EGFR: variants seen among roughly 807,000 people sequenced by gnomAD.
EGFR encodes epidermal growth factor receptor.
EGFR carries 58 observed loss-of-function variants against 143.0 expected under a neutral mutation model. That is an observed-to-expected ratio of 0.41 (90% CI 0.33 to 0.50). EGFR has a LOEUF of 0.50. Among genes scored for constraint, EGFR ranks in the 20% least tolerant of loss-of-function variants. The probability of loss-of-function intolerance (pLI) is 0.39; values close to 1 mark genes in which losing one functional copy is unlikely to be tolerated. For synonymous variants in EGFR, 613 were observed against 594.4 expected, an observed-to-expected ratio of 1.03 and a Z score of -0.45; for missense variants, 1,307 against 1,579.0, an observed-to-expected ratio of 0.83 and a Z score of 2.92.
At chr7:55,181,163 C>A in intron 19 of EGFR, 130 bp from the exon 20 acceptor site, 1 of 1,163,752 alleles carries the variant, frequency 8.6e-7, no homozygotes, top group Non-Finnish European at 1.3e-6. Flanking sequence ...GCAGGCACAG[C>A]TTTTCCTCCA....
chr7:55,201,356 G>A lies in EGFR; in HGVS notation c.3114+1G>A, dbSNP rs2128971811. 1.2e-6 allele frequency: 2 copies of A among 1,613,994 alleles called. No individual in the cohort carries two copies. Among genetic ancestry groups the A allele is most frequent in the Non-Finnish European group, 1.7e-6 (2 of 1,180,020 alleles). ...ACGGACTCCCCTCCTGAGCTCTCTG[G>A]TATGAAATCTCTGTCTCTCTCTCTC... On this transcript the variant is annotated splice_donor_variant, in intron 25 of 27. Transcript: ENST00000275493. LOFTEE classifies it high-confidence loss of function.
chr7:55,156,270 G>A (rs1226452571), intron 8 of EGFR, among the ~76,000 whole-genome samples: 2 of 152,186 alleles, frequency 1.3e-5, no homozygotes, highest in African/African-American at 4.8e-5. Context: ...AAATAATGAG[G>A]AGAACGCAAG....
intron 1 of EGFR, among the ~76,000 whole-genome samples, chr7:55,052,410 G>A (rs1351715282): frequency 1.3e-5 from 2 of 152,162 alleles, no homozygotes; most frequent in African/African-American, 4.8e-5. Context: ...TGCCTGAGTC[G>A]CCCACTTTAG....
chr7:55,154,244 T>C (rs1020005130), intron 7 of EGFR, 92 bp downstream of exon 7: 2 of 1,589,430 alleles, frequency 1.3e-6, no homozygotes. Flanking sequence ...TCTTGGAGAG[T>C]CTTTGGGTGG....
Position 55,201,699 on chromosome 7 carries a change from A to G in EGFR, c.3115-36A>G, listed in dbSNP as rs374797148. 25 of 1,613,716 alleles carry G rather than the reference A, an allele frequency of 1.5e-5. No homozygotes were observed. The East Asian group carries it at 5.6e-4, about 36-fold the overall frequency. On this transcript the variant is annotated intron_variant, in intron 25 of 27. Transcript: ENST00000275493. ...GGAAAAGTGGATGAGATGTGGTACA[A>G]GCATTCCATGGGCAACTTCTCTGTT...
intron 1 of EGFR, among the ~76,000 whole-genome samples, chr7:55,128,576 G>T (rs993476376): frequency 6.6e-6 from 1 of 152,200 alleles, no homozygotes; most frequent in Non-Finnish European, 1.5e-5. Flanking sequence ...AGTTATTTGT[G>T]TGTATTCCCT....
intron 1 of EGFR, among the ~76,000 whole-genome samples, chr7:55,079,735 G>T (rs1790356745): frequency 6.6e-6 from 1 of 151,946 alleles, no homozygotes; most frequent in African/African-American, 2.4e-5. Context: ...TCATTCCCAC[G>T]GAACCTTAAG....
Position 55,171,220 on chromosome 7 carries a change from G to T in EGFR, c.1919+7G>T. On this transcript the variant is annotated splice_region_variant and intron_variant, in intron 16 of 27. Coordinates refer to ENST00000275493, the MANE Select transcript of EGFR (RefSeq NM_005228.5). ...AAGGCTGTCCAACGAATGGGTAAGTGTTCACAGCTCTGTGTCACATGGACC... is the reference window on the plus strand; with the variant it reads ...AAGGCTGTCCAACGAATGGGTAAGTTTTCACAGCTCTGTGTCACATGGACC... 6.2e-7 allele frequency: 1 copy of T among 1,614,186 alleles called. No homozygotes were observed. Among genetic ancestry groups the T allele is most frequent in the Non-Finnish European group, 8.5e-7 (1 of 1,180,040 alleles).
intron 1 of EGFR, among the ~76,000 whole-genome samples, chr7:55,019,627 G>A (rs1279030509): frequency 6.6e-6 from 1 of 152,060 alleles, no homozygotes; most frequent in Non-Finnish European, 1.5e-5. Flanking sequence ...ACGGCCGCCG[G>A]GACCTCCGGC....
chr7:55,166,663 TGAG>T (rs1245707107), intron 15 of EGFR, among the ~76,000 whole-genome samples: 1 of 141,540 alleles, frequency 7.1e-6, no homozygotes, highest in Non-Finnish European at 1.6e-5. Context: ...TTGATGGTGG[TGAG>T]GAGGTGGGAG....
At chr7:55,077,019 A>C (rs1790168141) in intron 1 of EGFR, among the ~76,000 whole-genome samples, 3 of 152,036 alleles carry the variant, frequency 2.0e-5, no homozygotes, top group South Asian at 4.1e-4. Flanking sequence ...AATGTAAGCC[A>C]TACAAAAATC....
At position 55,173,118 on chromosome 7, in the gene EGFR, G is replaced by A. The variant is rs960019095; in HGVS notation, c.2055G>A (p.Glu685=). Residue 685 remains glutamate, a synonymous_variant, in exon 17 of 28, where the codon GAG becomes GAA. Coordinates refer to ENST00000275493, the MANE Select transcript of EGFR (RefSeq NM_005228.5). The part of the protein sequence containing the change: ...RKRTLRRLLQ[E]RELVEPLTPS... ...GCACGCTGCGGAGGCTGCTGCAGGA[G>A]AGGGAGGTGAGTGCCAGTCCTGGGT... is the stretch of plus-strand genomic sequence containing the variant. 46 of 1,610,036 alleles carry A rather than the reference G, an allele frequency of 2.9e-5. 1 individual carries two copies. Among genetic ancestry groups the A allele is most frequent in the Non-Finnish European group, 3.9e-5 (46 of 1,179,956 alleles).
intron 1 of EGFR, among the ~76,000 whole-genome samples, chr7:55,066,665 G>A (rs561226383): frequency 4.6e-5 from 7 of 152,282 alleles, no homozygotes; most frequent in East Asian, 1.9e-4. Context: ...TCCTTCCACC[G>A]TGCTGGGGTG....
intron 1 of EGFR, among the ~76,000 whole-genome samples, chr7:55,088,295 G>A (rs11979255): frequency 0.053 from 8,016 of 152,244 alleles, 292 homozygotes; most frequent in South Asian, 0.14. Flanking sequence ...TTCGCACAAA[G>A]AGCCCCATGA....
chr7:55,093,531 T>C (rs1257064775), intron 1 of EGFR, among the ~76,000 whole-genome samples: 1 of 152,180 alleles, frequency 6.6e-6, no homozygotes, highest in Non-Finnish European at 1.5e-5. Flanking sequence ...GTAAACAGAA[T>C]GAGGACCTTC....
chr7:55,194,612 G>A (rs1335867969), intron 22 of EGFR, among the ~76,000 whole-genome samples: 2 of 152,100 alleles, frequency 1.3e-5, no homozygotes, highest in Admixed American at 1.3e-4. Flanking sequence ...GGGCCATCTG[G>A]CCCTGGCAAC....
chr7:55,194,628 C>G (rs1041516048), intron 22 of EGFR, among the ~76,000 whole-genome samples: 1 of 152,196 alleles, frequency 6.6e-6, no homozygotes. Context: ...GCAACTCTCC[C>G]GTCCACCAGG....
chr7:55,151,458 A>G (rs977584544), intron 5 of EGFR, 96 bp downstream of exon 5: 2 of 1,326,354 alleles, frequency 1.5e-6, no homozygotes, highest in Admixed American at 1.7e-5. Flanking sequence ...GAAGACTCCA[A>G]AGAGTTACTT....
rs1794506451 is a variant in EGFR, at chr7:55,142,330, G to A, written c.133G>A (p.Glu45Lys). Residue 45 changes from glutamate to lysine, a missense_variant, in exon 2 of 28, where the codon GAA becomes AAA. By Grantham distance (56) the Glu-to-Lys change is moderately conservative. This residue lies in a region of EGFR where 311 missense variants were observed against 412.3 expected (regional missense o/e 0.75). Coordinates refer to ENST00000275493, the MANE Select transcript of EGFR (RefSeq NM_005228.5). ...SNKLTQLGTFEDHFLSLQRMF... is the reference protein window; with the variant it reads ...SNKLTQLGTFKDHFLSLQRMF... ...CAAGCTCACGCAGTTGGGCACTTTTGAAGATCATTTTCTCAGCCTCCAGAG... is the reference window on the plus strand; with the variant it reads ...CAAGCTCACGCAGTTGGGCACTTTTAAAGATCATTTTCTCAGCCTCCAGAG... 1 of 1,614,216 alleles carries A rather than the reference G, an allele frequency of 6.2e-7. No individual in the cohort carries two copies. The highest frequency in any genetic ancestry group is 8.5e-7 in the Non-Finnish European group (1 of 1,180,042).
Sources: gnomAD v4.1 joint callset for allele counts (sites outside exome capture counted in the v4.1 genomes callset) on GRCh38, gnomAD v4.1.1 for gene constraint, gnomAD v4.1.1 regional missense constraint, MANE v1.5 for transcripts, NCBI Gene and HGNC (gene_info 2026-07-23, HGNC 2026-07-21) for gene names.